DMD: variants seen among roughly 807,000 people sequenced by gnomAD.
DMD encodes mutant dystrophin.
Under a neutral mutation model 330.1 loss-of-function variants are expected in DMD, and 63 were observed. The ratio of observed to expected loss-of-function variants is 0.19; its 90% CI spans 0.16 to 0.24. The LOEUF (loss-of-function observed/expected upper bound fraction) is 0.24, where lower values mean the gene tolerates loss of function less well. Ranked by LOEUF, DMD falls within the 10% of genes least tolerant of loss-of-function variation. DMD has a pLI of 1.00. For synonymous variants in DMD, 1,223 were observed against 959.8 expected, an observed-to-expected ratio of 1.27 and a Z score of -5.07; for missense variants, 3,344 against 2,684.1, an observed-to-expected ratio of 1.25 and a Z score of -5.43.
intron 1 of DMD, among the ~76,000 whole-genome samples, chrX:33,161,273 A>G (rs1447834445): frequency 9.0e-6 from 1 of 111,719 alleles, no homozygotes; most frequent in Non-Finnish European, 1.9e-5. Context: ...TCTTTGAATC[A>G]TCAACAGTCC....
At chrX:31,904,282 A>G (rs1310916784) in intron 47 of DMD, among the ~76,000 whole-genome samples, 1 of 111,768 alleles carries the variant, frequency 8.9e-6, no homozygotes, top group African/African-American at 3.2e-5. Context: ...AGAATCCCAG[A>G]GTATTAGCTG....
chrX:32,859,092 CAATA>C (rs2081849834), intron 2 of DMD, among the ~76,000 whole-genome samples: 1 of 111,401 alleles, frequency 9.0e-6, no homozygotes, highest in African/African-American at 3.3e-5. Flanking sequence ...CGTATGCACT[CAATA>C]AATATAGATT....
At chrX:32,289,701 C>T (rs1429462819) in intron 42 of DMD, among the ~76,000 whole-genome samples, 1 of 111,639 alleles carries the variant, frequency 9.0e-6, no homozygotes, top group Non-Finnish European at 1.9e-5. Context: ...GGCTAAAAGA[C>T]ACTCCTAGCA....
At chrX:32,797,449 C>A (rs1205193633) in intron 7 of DMD, among the ~76,000 whole-genome samples, 1 of 112,667 alleles carries the variant, frequency 8.9e-6, no homozygotes, top group Non-Finnish European at 1.9e-5. Flanking sequence ...ATTTTATTCT[C>A]ATTTACCATC....
intron 2 of DMD, among the ~76,000 whole-genome samples, chrX:32,944,666 G>A (rs1022545721): frequency 2.8e-5 from 3 of 106,709 alleles, no homozygotes; most frequent in South Asian, 8.5e-4. Flanking sequence ...GTGCAGTGGC[G>A]AAATCTCAGC....
intron 43 of DMD, among the ~76,000 whole-genome samples, chrX:32,276,098 GAACT>G (rs1751798054): frequency 8.9e-6 from 1 of 111,948 alleles, no homozygotes; most frequent in Non-Finnish European, 1.9e-5. Flanking sequence ...ACTTTACATT[GAACT>G]AACTGCTGTG....
intron 44 of DMD, among the ~76,000 whole-genome samples, chrX:32,170,632 A>G (rs1433869009): frequency 9.1e-6 from 1 of 109,946 alleles, no homozygotes; most frequent in African/African-American, 3.3e-5. Context: ...TTTCGTAACT[A>G]GTTCCTCATA....
chrX:32,693,006 A>T (rs182953737), intron 9 of DMD, among the ~76,000 whole-genome samples: 1 of 112,264 alleles, frequency 8.9e-6, no homozygotes, highest in African/African-American at 3.2e-5. Context: ...GAGTTCAAGA[A>T]ATTCTCTGAA....
At chrX:31,479,531 T>C (rs1334101009) in intron 57 of DMD, among the ~76,000 whole-genome samples, 2 of 112,362 alleles carry the variant, frequency 1.8e-5, no homozygotes, top group Non-Finnish European at 3.8e-5. Flanking sequence ...GACCTTAGGC[T>C]ATATTAAAGT....
chrX:32,311,327 A>G (rs1399349439), intron 41 of DMD, among the ~76,000 whole-genome samples: 2 of 110,903 alleles, frequency 1.8e-5, no homozygotes, highest in African/African-American at 6.5e-5. Flanking sequence ...ACAACACCAT[A>G]CTTATTTTTG....
At chrX:33,000,752 T>C (rs1240847733) in intron 2 of DMD, among the ~76,000 whole-genome samples, 1 of 112,092 alleles carries the variant, frequency 8.9e-6, no homozygotes, top group Non-Finnish European at 1.9e-5. Context: ...ATAATATTTT[T>C]GTTTTACATA....
intron 32 of DMD, among the ~76,000 whole-genome samples, chrX:32,387,782 C>T (rs771483192): frequency 3.6e-5 from 4 of 111,228 alleles, no homozygotes; most frequent in African/African-American, 9.7e-5. Flanking sequence ...TGGAAATCAA[C>T]GATGCTAATT....
chrX:32,819,254 T>C (rs1377561520), intron 5 of DMD, among the ~76,000 whole-genome samples: 1 of 111,104 alleles, frequency 9.0e-6, no homozygotes, highest in Non-Finnish European at 1.9e-5. Context: ...GGGATGGCTT[T>C]CAGCAGTGCG....
chrX:33,150,455 G>A (rs188312002), intron 1 of DMD, among the ~76,000 whole-genome samples: 15 of 109,226 alleles, frequency 1.4e-4, no homozygotes, highest in Non-Finnish European at 2.5e-4. Flanking sequence ...CACCACGCCC[G>A]GCTAATCTTT....
At chrX:31,580,178 A>G (rs1010458980) in intron 55 of DMD, among the ~76,000 whole-genome samples, 4 of 112,290 alleles carry the variant, frequency 3.6e-5, no homozygotes, top group African/African-American at 1.3e-4. Context: ...CAGGGAGCAC[A>G]GCATATTCAC....
Position 33,136,444 on chromosome X carries a change from A to T in DMD, c.31+74838T>A, listed in dbSNP as rs1004844833. ...ATCACGAGTAGCAAGCTGCCTGTAA[A>T]ATAGTAGACATTGCTCTCTAAAAAT... On this transcript the variant is annotated intron_variant, in intron 1 of 78. Transcript: ENST00000357033. Among the ~76,000 whole-genome samples the T allele has an allele frequency of 3.8e-5, 4 of 106,429 alleles. No individual in the cohort carries two copies. The Admixed American group carries it at 4.2e-4, about 11-fold the overall frequency. The allele number at this position is 106,429 out of a possible 115,157, so 92.4% of individuals were successfully genotyped here.
At chrX:32,775,911 G>C (rs1166544858) in intron 7 of DMD, among the ~76,000 whole-genome samples, 1 of 112,401 alleles carries the variant, frequency 8.9e-6, no homozygotes, top group East Asian at 2.8e-4. Context: ...TTTATGCTCT[G>C]CTTTCCTTTT....
rs752110896 is a variant in DMD, at chrX:32,143,709, A to AT, written c.6438+73206dup. Among the ~76,000 whole-genome samples the AT allele has an allele frequency of 9.2e-3, 912 of 99,242 alleles. 10 individuals are homozygous for AT. The highest frequency in any genetic ancestry group is 0.025 in the Admixed American group (222 of 9,041). 86.2% of individuals were successfully genotyped at this position (99,242 alleles called of 115,157 possible). A position where few individuals can be genotyped will look rare whatever the true frequency, so the allele number is the denominator to read the frequency against. On this transcript the variant is annotated intron_variant, in intron 44 of 78. Coordinates refer to ENST00000357033, the MANE Select transcript of DMD (RefSeq NM_004006.3). Reference sequence around the variant, plus strand: ...AGGCGCCCGCCACCACGCATGGCTAATTTTTTTTTTTTTGTATTTTTTAGT... The same window carrying AT: ...AGGCGCCCGCCACCACGCATGGCTAATTTTTTTTTTTTTTGTATTTTTTAGT...
chrX:32,382,597 T>C (rs1485604759), intron 33 of DMD, among the ~76,000 whole-genome samples: 2 of 94,316 alleles, frequency 2.1e-5, no homozygotes, highest in African/African-American at 7.4e-5. Context: ...AATTCATTTT[T>C]TAAACAGATT....
Sources: allele counts gnomAD v4.1 joint callset (sites outside exome capture counted in the v4.1 genomes callset), GRCh38; gene constraint gnomAD v4.1.1; transcripts MANE v1.5; gene names NCBI Gene and HGNC (gene_info 2026-07-23, HGNC 2026-07-21).